SGCZ: variants seen among roughly 807,000 people sequenced by gnomAD.
SGCZ encodes the protein sarcoglycan zeta.
A neutral mutation model predicts 41.3 loss-of-function variants in SGCZ; 40 were observed. That is an observed-to-expected ratio of 0.97 (90% CI 0.75 to 1.26). The LOEUF is 1.26. SGCZ is among the 50% of genes most tolerant of loss of function. SGCZ has a pLI of 0.00. For synonymous variants in SGCZ, 206 were observed against 137.5 expected (o/e 1.50, Z -3.49); for missense variants, 552 against 369.8 (o/e 1.49, Z -4.04).
intron 2 of SGCZ, among the ~76,000 whole-genome samples, chr8:14,504,135 T>C (rs953607629): frequency 6.6e-6 from 1 of 152,206 alleles, no homozygotes; most frequent in African/African-American, 2.4e-5. Flanking sequence ...TGACAAATTA[T>C]GGTAAACAAT....
At chr8:14,600,721 A>G (rs1053074856) in intron 1 of SGCZ, among the ~76,000 whole-genome samples, 4 of 152,198 alleles carry the variant, frequency 2.6e-5, no homozygotes, top group Non-Finnish European at 4.4e-5. Flanking sequence ...ACTAAAAAAA[A>G]TATACACATG....
chr8:14,905,949 T>C (rs1383907548), intron 1 of SGCZ, among the ~76,000 whole-genome samples: 2 of 152,006 alleles, frequency 1.3e-5, no homozygotes, highest in African/African-American at 4.8e-5. Flanking sequence ...ATAAAGAATA[T>C]ACCTATGAGG....
intron 1 of SGCZ, among the ~76,000 whole-genome samples, chr8:14,600,769 G>A (rs1332237249): frequency 1.3e-5 from 2 of 151,984 alleles, no homozygotes; most frequent in African/African-American, 4.8e-5. Context: ...TACTATTTTA[G>A]TATTTAAGTA....
intron 1 of SGCZ, among the ~76,000 whole-genome samples, chr8:14,738,037 C>T (rs145321849): frequency 1.3e-5 from 2 of 152,068 alleles, no homozygotes; most frequent in African/African-American, 4.8e-5. Context: ...AGGTAGAAAG[C>T]TCTCACATAT....
At chr8:14,575,913 C>A (rs78206491) in intron 1 of SGCZ, among the ~76,000 whole-genome samples, 652 of 99,932 alleles carry the variant, frequency 6.5e-3, no homozygotes, top group East Asian at 7.6e-3. Context: ...CTCAAAATAA[C>A]AAAAAAAAAA....
chr8:14,770,913 G>A (rs1800214699), intron 1 of SGCZ, among the ~76,000 whole-genome samples: 4 of 152,150 alleles, frequency 2.6e-5, no homozygotes, highest in Admixed American at 2.6e-4. Context: ...GCTGTCAATT[G>A]AATGAAGCCT....
chr8:14,090,480 G>C lies in SGCZ; in HGVS notation c.902C>G (p.Thr301Ser). ...GCAGATGTTGCTACTGGACTGACAA[G>C]TGGAACCTACTCCTGCTGGAGAAAG... ...LYLSPAGVGS[T>S]CQSSSNICLW... Residue 301 changes from threonine to serine, a missense_variant, in exon 8 of 8, where the codon ACT (threonine) becomes AGT (serine). By Grantham distance (58) the Thr-to-Ser change is moderately conservative. Coordinates refer to ENST00000382080, the MANE Select transcript of SGCZ (RefSeq NM_139167.4). The C allele has an allele frequency of 1.2e-6, 2 of 1,613,020 alleles. No homozygotes were observed. Among genetic ancestry groups the C allele is most frequent in the Non-Finnish European group, 1.7e-6 (2 of 1,179,370 alleles).
At chr8:14,546,146 A>C (rs900405632) in intron 2 of SGCZ, among the ~76,000 whole-genome samples, 1 of 152,126 alleles carries the variant, frequency 6.6e-6, no homozygotes, top group East Asian at 1.9e-4. Context: ...ATTTACTCTC[A>C]TCAATCCTGT....
intron 1 of SGCZ, among the ~76,000 whole-genome samples, chr8:15,123,241 G>C (rs1330884955): frequency 1.3e-5 from 2 of 152,136 alleles, no homozygotes. Flanking sequence ...AAAACAACCA[G>C]TGCTACCATT....
At chr8:15,107,017 T>C (rs1239000938) in intron 1 of SGCZ, among the ~76,000 whole-genome samples, 1 of 152,210 alleles carries the variant, frequency 6.6e-6, no homozygotes, top group African/African-American at 2.4e-5. Flanking sequence ...GATGGATTAC[T>C]ACTGCTGATC....
chr8:14,628,078 G>C (rs1008070914), intron 1 of SGCZ, among the ~76,000 whole-genome samples: 1 of 152,028 alleles, frequency 6.6e-6, no homozygotes. Flanking sequence ...GGTTAGAATA[G>C]TCCTAAATGT....
Position 14,640,516 on chromosome 8 carries a change from A to C in SGCZ, c.40-85590T>G, listed in dbSNP as rs1487016506. ...CCTCTTCTTTTTTCATCAGTTTCAC[A>C]ATAATGTATCTTCGTGAATATTCCT... On this transcript the variant is annotated intron_variant, in intron 1 of 7. Transcript: ENST00000382080. Among the ~76,000 whole-genome samples the C allele has an allele frequency of 2.6e-5, 4 of 151,714 alleles. No homozygotes were observed. The East Asian group carries it at 5.8e-4, about 22-fold the overall frequency.
At chr8:14,977,123 A>T (rs1801503367) in intron 1 of SGCZ, among the ~76,000 whole-genome samples, 2 of 152,170 alleles carry the variant, frequency 1.3e-5, no homozygotes, top group South Asian at 4.1e-4. Context: ...TCACCAAAGG[A>T]TACAGTTTCC....
chr8:14,218,845 G>A (rs569801024), intron 4 of SGCZ, among the ~76,000 whole-genome samples: 12 of 152,270 alleles, frequency 7.9e-5, no homozygotes, highest in African/African-American at 2.6e-4. Flanking sequence ...TTTTGCCAAA[G>A]CAATGAGAAC....
chr8:14,386,964 T>C lies in SGCZ; in HGVS notation c.235-62760A>G, dbSNP rs111879997. ...TAAAATGGCGAAGGCTAGAATTTCA[T>C]AGAATCTAGTTTTGTTGAAAGATTT... On this transcript the variant is annotated intron_variant, in intron 2 of 7. Transcript: ENST00000382080. Among the ~76,000 whole-genome samples, 1,036 of 152,358 alleles carry C rather than the reference T, an allele frequency of 6.8e-3. 15 individuals carry two copies. The highest frequency in any genetic ancestry group is 0.023 in the African/African-American group (976 of 41,584).
At chr8:14,241,538 A>C (rs2410170) in intron 3 of SGCZ, among the ~76,000 whole-genome samples, 100,296 of 148,450 alleles carry the variant, frequency 0.68, 34,178 homozygotes, top group South Asian at 0.79. Context: ...ACTAACATAA[A>C]TATCTTTTTT....
intron 1 of SGCZ, among the ~76,000 whole-genome samples, chr8:14,646,166 C>T (rs529819126): frequency 6.6e-6 from 1 of 152,012 alleles, no homozygotes; most frequent in South Asian, 2.1e-4. Context: ...ATACTGAGCA[C>T]AGTACCCACA....
intron 1 of SGCZ, among the ~76,000 whole-genome samples, chr8:14,624,817 C>T (rs545494332): frequency 2.0e-5 from 3 of 151,860 alleles, no homozygotes; most frequent in East Asian, 2.0e-4. Flanking sequence ...GAGATCCACC[C>T]GCCATAGCCT....
intron 1 of SGCZ, among the ~76,000 whole-genome samples, chr8:14,974,747 C>A (rs1471361451): frequency 6.6e-6 from 1 of 151,934 alleles, no homozygotes; most frequent in Admixed American, 6.6e-5. Context: ...GGCACACATC[C>A]TTTTGTGAAC....
Sources: allele counts gnomAD v4.1 joint callset (sites outside exome capture counted in the v4.1 genomes callset), GRCh38; gene constraint gnomAD v4.1.1; transcripts MANE v1.5; gene names NCBI Gene and HGNC (gene_info 2026-07-23, HGNC 2026-07-21).